Variants in LPIN1 observed in about 807,000 individuals in gnomAD.
The protein encoded by LPIN1 is lipin 1.
A neutral mutation model predicts 107.5 loss-of-function variants in LPIN1; 71 were observed. The ratio of observed to expected loss-of-function variants is 0.66; its 90% confidence interval spans 0.55 to 0.80. The LOEUF (loss-of-function observed/expected upper bound fraction) is 0.80, where lower values mean the gene tolerates loss of function less well. Among genes scored for constraint, LPIN1 ranks in the 30% least tolerant of loss-of-function variants. The pLI, the probability that LPIN1 is intolerant of heterozygous loss-of-function variation, is 0.00. For missense variants in LPIN1, 1,043 were observed against 1,160.6 expected, an observed-to-expected ratio of 0.90 and a Z score of 1.47; for synonymous variants, 445 against 452.6, an observed-to-expected ratio of 0.98 and a Z score of 0.21.
At chr2:11,726,259 C>G (rs1664640365) in intron 1 of LPIN1, among the ~76,000 whole-genome samples, 1 of 152,192 alleles carries the variant, frequency 6.6e-6, no homozygotes, top group Non-Finnish European at 1.5e-5. Context: ...TTTAATGGCT[C>G]TCCCGGACCT....
intron 1 of LPIN1, among the ~76,000 whole-genome samples, chr2:11,760,480 G>T (rs1669627103): frequency 6.6e-6 from 1 of 152,264 alleles, no homozygotes; most frequent in Non-Finnish European, 1.5e-5. Flanking sequence ...AGGAGCTGGA[G>T]ACCAGCCCGG....
At chr2:11,719,552 C>T (rs529270777), upstream of LPIN1, among the ~76,000 whole-genome samples, 1 of 152,226 alleles carries the variant, frequency 6.6e-6, no homozygotes, top group African/African-American at 2.4e-5. Flanking sequence ...ATTGAAGATG[C>T]CCCTCCTGTT....
intron 12 of LPIN1, among the ~76,000 whole-genome samples, chr2:11,789,382 C>T (rs1259158771): frequency 2.6e-5 from 4 of 151,668 alleles, no homozygotes; most frequent in African/African-American, 9.7e-5. Context: ...TATGTGTGTG[C>T]ATGCGGGTAT....
chr2:11,763,931 TAAAAC>T (rs1335856014), intron 1 of LPIN1, among the ~76,000 whole-genome samples: 1 of 150,694 alleles, frequency 6.6e-6, no homozygotes, highest in Non-Finnish European at 1.5e-5. Flanking sequence ...AGTGTTTACT[TAAAAC>T]AAATTCGGTG....
chr2:11,725,177 C>T (rs1325281374), intron 1 of LPIN1, among the ~76,000 whole-genome samples: 2 of 152,166 alleles, frequency 1.3e-5, no homozygotes, highest in African/African-American at 2.4e-5. Context: ...AGGAGAATGG[C>T]GTGAACCCAG....
chr2:11,783,534 A>G (rs1273131020), intron 8 of LPIN1, among the ~76,000 whole-genome samples: 1 of 152,168 alleles, frequency 6.6e-6, no homozygotes, highest in Non-Finnish European at 1.5e-5. Flanking sequence ...CTCGGTACCT[A>G]CAAGTGTGAC....
chr2:11,677,578 C>T (rs1321208122), upstream of LPIN1: 58 of 1,163,634 alleles, frequency 5.0e-5, no homozygotes, highest in East Asian at 3.8e-4. Context: ...GCTTCTGAGC[C>T]GGTGTTGCCG....
At chr2:11,700,536 C>G (rs1328245175) in intron 1 of LPIN1, among the ~76,000 whole-genome samples, 1 of 152,054 alleles carries the variant, frequency 6.6e-6, no homozygotes, top group African/African-American at 2.4e-5. Context: ...ACTCTCCACC[C>G]CTATGGGCTT....
intron 1 of LPIN1, among the ~76,000 whole-genome samples, chr2:11,754,174 T>C (rs894398983): frequency 6.6e-6 from 1 of 152,322 alleles, no homozygotes; most frequent in African/African-American, 2.4e-5. Context: ...CAGCCAGGTC[T>C]GTATCTGAGA....
Position 11,824,636 on chromosome 2 carries a change from G to A in LPIN1, c.2626G>A (p.Val876Met). Residue 876 changes from valine to methionine, a missense_variant, in exon 21 of 21, where the codon GTG (valine) becomes ATG (methionine). Transcript: ENST00000674199. The stretch of plus-strand genomic sequence containing the variant: ...ACAATGTCCCTTTCCTTCCAGGTAT[G>A]TGAGACTCTGTGAAGTAGTCGACCA... The part of the protein sequence containing the change: ...EHAKTNISSY[V>M]RLCEVVDHVF... The A allele has an allele frequency of 6.2e-7, 1 of 1,614,056 alleles. No homozygotes were observed. Among genetic ancestry groups the A allele is most frequent in the Non-Finnish European group, 8.5e-7 (1 of 1,180,020 alleles).
chr2:11,768,394 C>T (rs1472579292), intron 3 of LPIN1, among the ~76,000 whole-genome samples: 1 of 152,130 alleles, frequency 6.6e-6, no homozygotes, highest in African/African-American at 2.4e-5. Flanking sequence ...GGTATCGCCT[C>T]CCCTATACTC....
intron 1 of LPIN1, among the ~76,000 whole-genome samples, chr2:11,700,953 G>A (rs761122019): frequency 5.3e-5 from 8 of 152,160 alleles, no homozygotes; most frequent in African/African-American, 9.7e-5. Context: ...CCTCAGTGGA[G>A]CCCTCAGTTC....
chr2:11,712,072 C>T (rs186692116), intron 1 of LPIN1, among the ~76,000 whole-genome samples: 2 of 152,348 alleles, frequency 1.3e-5, no homozygotes, highest in Admixed American at 1.3e-4. Flanking sequence ...CAGAGGTCCT[C>T]CTGGGAGCAC....
chr2:11,809,611 T>C (rs1421084877), intron 17 of LPIN1, among the ~76,000 whole-genome samples: 1 of 152,198 alleles, frequency 6.6e-6, no homozygotes, highest in Non-Finnish European at 1.5e-5. Context: ...AGATGGGGTT[T>C]CACCCTGTTG....
In LPIN1 at chr2:11,771,569, A is replaced by G. The variant is rs1190940430; in HGVS notation, c.486A>G (p.Ser162=). 6.2e-7 allele frequency: 1 copy of G among 1,613,844 alleles called. No homozygotes were observed. Among genetic ancestry groups the G allele is most frequent in the South Asian group, 1.1e-5 (1 of 90,990 alleles). ...VKKRRKRRRK[S]QLDSLKRDDN... ...AGAGAAGAAAAAGGAGGAGAAAGTC[A>G]CAGCTGGACAGCCTGAAGAGAGATG... The change falls in exon 4 of 21, where the codon TCA becomes TCG. Residue 162 remains serine (S), a synonymous_variant. Coordinates refer to ENST00000674199, the MANE Select transcript of LPIN1 (RefSeq NM_001349206.2). The surrounding 1 kb of genome is among the most constrained non-coding windows in gnomAD (Gnocchi z 4.8).
At chr2:11,821,149 C>T (rs148687660) in intron 20 of LPIN1, among the ~76,000 whole-genome samples, 20 of 152,274 alleles carry the variant, frequency 1.3e-4, no homozygotes, top group Middle Eastern at 3.4e-3. Context: ...CAGCCCAGGC[C>T]GACCCTTGTC....
intron 1 of LPIN1, among the ~76,000 whole-genome samples, chr2:11,679,124 G>A (rs1376284825): frequency 3.3e-5 from 5 of 152,164 alleles, no homozygotes; most frequent in Admixed American, 2.0e-4. Context: ...AGCCTGAGAC[G>A]CAGGTGTTAT....
At chr2:11,718,928 A>T (rs2148531132) in intron 2 of LPIN1, among the ~76,000 whole-genome samples, 1 of 152,216 alleles carries the variant, frequency 6.6e-6, no homozygotes, top group East Asian at 1.9e-4. Flanking sequence ...CTAAGGACGC[A>T]AGGAGTGGTT....
intron 1 of LPIN1, among the ~76,000 whole-genome samples, chr2:11,711,747 C>T (rs1002298718): frequency 1.3e-5 from 2 of 152,194 alleles, no homozygotes; most frequent in Non-Finnish European, 1.5e-5. Flanking sequence ...CATATCCCAG[C>T]GATCCTTTGC....
Sources: gnomAD v4.1 joint callset for allele counts (sites outside exome capture counted in the v4.1 genomes callset) on GRCh38, gnomAD v4.1.1 for gene constraint, Gnocchi (gnomAD v3.1) non-coding constraint, MANE v1.5 for transcripts, NCBI Gene and HGNC (gene_info 2026-07-23, HGNC 2026-07-21) for gene names.